Variants in PCNX1 observed in about 807,000 individuals in gnomAD.
PCNX1 encodes the protein pecanex 1.
PCNX1 carries 78 observed loss-of-function variants against 242.2 expected under a neutral mutation model. The ratio of observed to expected loss-of-function variants is 0.32; its 90% CI spans 0.27 to 0.39. The LOEUF (loss-of-function observed/expected upper bound fraction) is 0.39, where lower values mean the gene tolerates loss of function less well. Among genes scored for constraint, PCNX1 ranks in the 10% least tolerant of loss-of-function variants. PCNX1 has a pLI of 1.00. For missense variants in PCNX1, 2,581 were observed against 2,856.5 expected, an observed-to-expected ratio of 0.90 and a Z score of 2.20; for synonymous variants, 1,024 against 1,032.9, an observed-to-expected ratio of 0.99 and a Z score of 0.17.
At chr14:71,050,622 T>G (rs2061000946) in intron 22 of PCNX1, 30 bp from the exon 23 acceptor site, 4 of 1,545,610 alleles carry the variant, frequency 2.6e-6, no homozygotes, top group Non-Finnish European at 3.5e-6. Context: ...TTTTTTTTTT[T>G]TACTGACAGC....
intron 28 of PCNX1, among the ~76,000 whole-genome samples, chr14:71,076,672 G>C (rs893926025): frequency 6.6e-6 from 1 of 152,122 alleles, no homozygotes; most frequent in African/African-American, 2.4e-5. Flanking sequence ...CCTTCATCCT[G>C]GGCATGTACA....
intron 3 of PCNX1, among the ~76,000 whole-genome samples, chr14:70,964,073 C>CTT (rs1327222739): frequency 6.6e-6 from 1 of 151,436 alleles, no homozygotes; most frequent in Non-Finnish European, 1.5e-5. Context: ...TAGATTGATA[C>CTT]TTTTTTTTTC....
chr14:71,057,801 C>G (rs1016829349), intron 26 of PCNX1, 77 bp downstream of exon 26: 4 of 945,170 alleles, frequency 4.2e-6, no homozygotes, highest in African/African-American at 1.6e-5. Context: ...TATCTCAAAC[C>G]AGAAGTTGTC....
At chr14:71,035,417 TGAG>T (rs1305678633) in intron 18 of PCNX1, among the ~76,000 whole-genome samples, 4 of 152,176 alleles carry the variant, frequency 2.6e-5, no homozygotes, top group African/African-American at 4.8e-5. Context: ...ATGAGGAAAT[TGAG>T]GAAGAAAATA....
intron 26 of PCNX1, among the ~76,000 whole-genome samples, chr14:71,066,472 T>C (rs2061450032): frequency 6.6e-6 from 1 of 152,228 alleles, no homozygotes; most frequent in African/African-American, 2.4e-5. Context: ...TCCTGAGACT[T>C]TGCTGAAGTT....
intron 28 of PCNX1, among the ~76,000 whole-genome samples, chr14:71,079,577 G>A (rs1404062968): frequency 2.6e-5 from 4 of 152,040 alleles, no homozygotes; most frequent in East Asian, 1.9e-4. Context: ...CCATTCTAAC[G>A]GGAGTGAGAT....
chr14:70,916,680 TGTCATTTTTTTGCTGGTGAAGG>T, intron 1 of PCNX1, among the ~76,000 whole-genome samples: 1 of 152,326 alleles, frequency 6.6e-6, no homozygotes. Context: ...TTCGGCGAGT[TGTCATTTTTTTGCTGGTGAAGG>T]GTCTTGCCTA....
At chr14:71,043,323 G>A (rs937091169) in intron 19 of PCNX1, among the ~76,000 whole-genome samples, 6 of 152,146 alleles carry the variant, frequency 3.9e-5, no homozygotes, top group Non-Finnish European at 8.8e-5. Flanking sequence ...TGTGCTTCCT[G>A]TGTCTAGATG....
intron 3 of PCNX1, among the ~76,000 whole-genome samples, chr14:70,962,896 G>T (rs2058266679): frequency 6.6e-6 from 1 of 152,166 alleles, no homozygotes; most frequent in African/African-American, 2.4e-5. Flanking sequence ...CAAAGCCCCA[G>T]TTACTCCTGC....
chr14:71,028,916 T>C, intron 16 of PCNX1, 125 bp downstream of exon 16: 1 of 539,324 alleles, frequency 1.9e-6, no homozygotes, highest in Non-Finnish European at 3.3e-6. Flanking sequence ...ATGGTCTTCA[T>C]ATGTTAAACA....
chr14:71,108,921 A>G lies in PCNX1; in HGVS notation c.6619A>G (p.Thr2207Ala). ...AAGCATCCCAGCCTGCAAACATCAC[A>G]CTCTCGTGGGCTTTCTTGCGACAGA... is the stretch of plus-strand genomic sequence containing the variant. Reference protein sequence around the residue: ...SQSIPACKHHTLVGFLATEGG... With the variant: ...SQSIPACKHHALVGFLATEGG... The change falls in exon 34 of 36, where the codon ACT becomes GCT. Residue 2207 changes from threonine to alanine, a missense_variant. Physicochemically the swap from Thr to Ala is moderately conservative, Grantham distance 58 (BLOSUM62 0). Transcript: ENST00000304743. The G allele has an allele frequency of 1.2e-6, 2 of 1,613,782 alleles. No individual in the cohort carries two copies. The highest frequency in any genetic ancestry group is 1.7e-6 in the Non-Finnish European group (2 of 1,179,922).
chr14:71,108,305 C>T (rs1386195045), intron 33 of PCNX1, among the ~76,000 whole-genome samples: 1 of 152,144 alleles, frequency 6.6e-6, no homozygotes, highest in Non-Finnish European at 1.5e-5. Context: ...GGATTTATCC[C>T]AACCTTAAGT....
intron 28 of PCNX1, among the ~76,000 whole-genome samples, chr14:71,078,007 G>A (rs933402520): frequency 1.3e-5 from 2 of 152,182 alleles, no homozygotes; most frequent in South Asian, 4.1e-4. Context: ...TATTGCTGAA[G>A]TCATGAACAT....
intron 8 of PCNX1, among the ~76,000 whole-genome samples, chr14:71,006,978 T>C (rs1384186086): frequency 6.6e-6 from 1 of 152,174 alleles, no homozygotes; most frequent in Admixed American, 6.5e-5. Flanking sequence ...CTTCTGAAGC[T>C]TAATAGACAA....
intron 8 of PCNX1, among the ~76,000 whole-genome samples, chr14:71,005,422 C>G (rs1051901506): frequency 7.9e-5 from 12 of 151,580 alleles, no homozygotes; most frequent in Admixed American, 2.6e-4. Context: ...GTGGGAGGAT[C>G]ACTGGAACCT....
chr14:70,981,398 C>T (rs2058835932), intron 6 of PCNX1, among the ~76,000 whole-genome samples: 2 of 152,228 alleles, frequency 1.3e-5, no homozygotes, highest in Admixed American at 1.3e-4. Flanking sequence ...AATTCTGATT[C>T]CCTAGTTTCT....
At chr14:71,033,317 A>T in intron 16 of PCNX1, 112 bp from the exon 17 acceptor site, 1 of 574,674 alleles carries the variant, frequency 1.7e-6, no homozygotes, top group Non-Finnish European at 3.1e-6. Context: ...GTGGCTAAAA[A>T]CTTTTGTTGA....
At chr14:71,080,230 A>G (rs1374788674) in intron 28 of PCNX1, among the ~76,000 whole-genome samples, 1 of 152,134 alleles carries the variant, frequency 6.6e-6, no homozygotes, top group Non-Finnish European at 1.5e-5. Flanking sequence ...CCATTGATCT[A>G]TATATCTGTT....
At chr14:71,038,722 G>GT (rs2060618829) in intron 19 of PCNX1, among the ~76,000 whole-genome samples, 1 of 151,968 alleles carries the variant, frequency 6.6e-6, no homozygotes, top group African/African-American at 2.4e-5. Flanking sequence ...CCATTACTGG[G>GT]TATATACCCA....
Sources: gnomAD v4.1 joint callset for allele counts (sites outside exome capture counted in the v4.1 genomes callset) on GRCh38, gnomAD v4.1.1 for gene constraint, MANE v1.5 for transcripts, NCBI Gene and HGNC (gene_info 2026-07-23, HGNC 2026-07-21) for gene names.